Variants in TTN observed in about 807,000 individuals in gnomAD.
TTN encodes the protein titin, also known as connectin.
TTN carries 1,525 observed loss-of-function variants against 3,223.0 expected under a neutral mutation model. The ratio of observed to expected loss-of-function variants is 0.47; its 90% CI spans 0.45 to 0.49. TTN has a LOEUF of 0.49. Among genes scored for constraint, TTN ranks in the 20% least tolerant of loss-of-function variants. The probability of loss-of-function intolerance (pLI) is 0.00; values close to 1 mark genes in which losing one functional copy is unlikely to be tolerated. For synonymous variants in TTN, 14,094 were observed against 15,161.0 expected (o/e 0.93, Z 5.17); for missense variants, 40,786 against 43,424.0 (o/e 0.94, Z 5.40).
At chr2:178,619,440 TATTA>T (rs2057929824) in intron 250 of TTN, 177 bp downstream of exon 250, 3 of 670,058 alleles carry the variant, frequency 4.5e-6, no homozygotes, top group Non-Finnish European at 7.4e-6. Context: ...AGATTATTGC[TATTA>T]ATTTCCTCTT....
rs984843675 is a variant in TTN at position 178,669,237 on chromosome 2, T to C, written c.35545+136A>G. On this transcript the variant is annotated intron_variant, in intron 159 of 362. Coordinates refer to ENST00000589042, the MANE Select transcript of TTN (RefSeq NM_001267550.2). ...TGAGGATAATAGACACTAAGATTAT[T>C]TGAGTCATATATTTGTGGCATGTTA... The C allele has an allele frequency of 6.0e-6, 4 of 666,884 alleles. No homozygotes were observed. In the African/African-American group the frequency reaches 7.4e-5, roughly 12 times the overall value. 41.3% of individuals were successfully genotyped at this position (666,884 alleles called of 1,614,324 possible).
At position 178,532,984 on chromosome 2, in the gene TTN, T is replaced by G; in HGVS notation, c.103631A>C (p.Glu34544Ala). The G allele has an allele frequency of 6.2e-7, 1 of 1,613,930 alleles. No individual in the cohort carries two copies. Among genetic ancestry groups the G allele is most frequent in the African/African-American group, 1.3e-5 (1 of 75,036 alleles). Residue 34544 changes from glutamate to alanine, a missense_variant, in exon 358 of 363, where the codon GAG becomes GCG. Transcript: ENST00000589042. ...GGTAGTCTGCTTATACTTGCGTGGC[T>G]CTGGTACATCATAAGGCATCCGGAG... ...RKLRMPYDVP[E>A]PRKYKQTTIE...
At chr2:178,788,480 G>A (rs2093323653) in intron 13 of TTN, among the ~76,000 whole-genome samples, 1 of 151,928 alleles carries the variant, frequency 6.6e-6, no homozygotes, top group African/African-American at 2.4e-5. Context: ...TTAGATTTGA[G>A]TAAAGGTTTA....
At chr2:178,545,284 G>C in intron 344 of TTN, 104 bp downstream of exon 344, 1 of 1,116,518 alleles carries the variant, frequency 9.0e-7, no homozygotes, top group African/African-American at 1.6e-5. Flanking sequence ...TGCTTTTCTA[G>C]ACCATTCATA....
chr2:178,551,157 G>T lies in TTN; in HGVS notation c.91374C>A (p.Ser30458Arg), dbSNP rs762232248. 1.2e-6 allele frequency: 2 copies of T among 1,613,518 alleles called. No individual in the cohort carries two copies. Among genetic ancestry groups the T allele is most frequent in the South Asian group, 2.2e-5 (2 of 91,074 alleles). The change falls in exon 336 of 363, where the codon AGC becomes AGA. Residue 30458 changes from serine (S) to arginine (R), a missense_variant. Ser to Arg is a moderately radical substitution (Grantham distance 110, BLOSUM62 -1). Transcript: ENST00000589042. ...GTTCATTTCCTTGCCGTTTCTCAATGCTATAGCCCACAATCTTACTGCCTC... is the reference window on the plus strand; with the variant it reads ...GTTCATTTCCTTGCCGTTTCTCAATTCTATAGCCCACAATCTTACTGCCTC... The part of the protein sequence containing the change: ...RDGGSKIVGY[S>R]IEKRQGNERW...
At position 178,560,449 on chromosome 2, in the gene TTN, A is replaced by C; in HGVS notation, c.85683T>G (p.Ser28561=). ...PSPPTSLEIT[S]VTKESMTLCW... ...AAAGTGTCATAGATTCTTTGGTCAC[A>C]GAAGTAATTTCCAAAGACGTGGGTG... Residue 28561 remains serine, a synonymous_variant, in exon 326 of 363, where the codon TCT becomes TCG. Coordinates refer to ENST00000589042, the MANE Select transcript of TTN (RefSeq NM_001267550.2). 3.1e-6 allele frequency: 5 copies of C among 1,613,596 alleles called. No individual in the cohort carries two copies. Among genetic ancestry groups the C allele is most frequent in the Non-Finnish European group, 4.2e-6 (5 of 1,179,762 alleles).
At position 178,711,197 on chromosome 2, in the gene TTN, C is replaced by A. The variant is rs1382932532; in HGVS notation, c.28039G>T (p.Val9347Leu). Reference protein sequence around the residue: ...DGKPLKDSPNVQTSFLDNTAT... With the variant: ...DGKPLKDSPNLQTSFLDNTAT... ...GTATTGTCTAAAAATGATGTTTGTA[C>A]ATTTGGGCTGTCTTTCAATGGCTTG... Residue 9347 changes from valine to leucine, a missense_variant, in exon 97 of 363, where the codon GTA (valine) becomes TTA (leucine). Coordinates refer to ENST00000589042, the MANE Select transcript of TTN (RefSeq NM_001267550.2). 6.2e-7 allele frequency: 1 copy of A among 1,613,740 alleles called. No homozygotes were observed. The highest frequency in any genetic ancestry group is 8.5e-7 in the Non-Finnish European group (1 of 1,179,778).
rs1417836268 is a variant in TTN, at chr2:178,712,894, C to T, written c.27131G>A (p.Gly9044Glu). The T allele has an allele frequency of 6.2e-7, 1 of 1,613,408 alleles. No individual in the cohort carries two copies. The highest frequency in any genetic ancestry group is 8.5e-7 in the Non-Finnish European group (1 of 1,179,634). Residue 9044 changes from glycine to glutamate, a missense_variant, in exon 94 of 363, where the codon GGA (glycine) becomes GAA (glutamate). Physicochemically the swap from Gly to Glu is moderately conservative, Grantham distance 98. Transcript: ENST00000589042. ...TNVTFTSIVKGTPPFSVSWFK... is the reference protein window; with the variant it reads ...TNVTFTSIVKETPPFSVSWFK... ...CCAGCTAACACTGAAAGGAGGTGTT[C>T]CTTTTACGATACTTGTGAAAGTTAC...
At position 178,710,891 on chromosome 2, in the gene TTN, A is replaced by G; in HGVS notation, c.28206T>C (p.Arg9402=). The change falls in exon 98 of 363, where the codon CGT becomes CGC. Residue 9402 remains arginine (R), a synonymous_variant. Transcript: ENST00000589042. The part of the protein sequence containing the change: ...EGKNPPFFDI[R]LAPVDAVVGE... Reference sequence around the variant, plus strand: ...CCACCACAGCATCCACAGGGGCAAGACGGATGTCAAAGAAGGGTGGGTTCT... The same window carrying G: ...CCACCACAGCATCCACAGGGGCAAGGCGGATGTCAAAGAAGGGTGGGTTCT... 6.2e-7 allele frequency: 1 copy of G among 1,613,556 alleles called. No homozygotes were observed. Among genetic ancestry groups the G allele is most frequent in the Non-Finnish European group, 8.5e-7 (1 of 1,179,502 alleles).
chr2:178,722,471 G>A lies in TTN; in HGVS notation c.22316C>T (p.Thr7439Ile), dbSNP rs2078562379. The change falls in exon 77 of 363, where the codon ACT becomes ATT. Residue 7439 changes from threonine (T) to isoleucine (I), a missense_variant. By Grantham distance (89) the Thr-to-Ile change is moderately conservative (BLOSUM62 -1). Coordinates refer to ENST00000589042, the MANE Select transcript of TTN (RefSeq NM_001267550.2). The stretch of plus-strand genomic sequence containing the variant: ...GGGTGCAGAGCCATTTAATCGACAA[G>A]TGAGTGTAACAGGTAACCCCACAGT... ...EQTVGLPVTL[T>I]CRLNGSAPIQ... is the part of the protein sequence containing the mutation. 6.2e-7 allele frequency: 1 copy of A among 1,613,472 alleles called. No homozygotes were observed. Among genetic ancestry groups the A allele is most frequent in the East Asian group, 2.2e-5 (1 of 44,864 alleles).
chr2:178,698,933 A>G lies in TTN; in HGVS notation c.30683-19T>C, dbSNP rs768856856. ...TTGGTAACTAAAAAAAAAAAAAAAG[A>G]AAAAAAAAGAAAAAATATTTCTGGT... On this transcript the variant is annotated intron_variant, in intron 111 of 362. Coordinates refer to ENST00000589042, the MANE Select transcript of TTN (RefSeq NM_001267550.2). 24 of 1,470,126 alleles carry G rather than the reference A, an allele frequency of 1.6e-5. No individual in the cohort carries two copies. Among genetic ancestry groups the G allele is most frequent in the Admixed American group, 1.6e-4 (6 of 38,408 alleles). The allele number at this position is 1,470,126 out of a possible 1,614,324, so 91.1% of individuals were successfully genotyped here.
chr2:178,679,828 G>T, intron 140 of TTN, 66 bp downstream of exon 140: 2 of 1,591,652 alleles, frequency 1.3e-6, no homozygotes, highest in South Asian at 2.3e-5. Flanking sequence ...CCCAGAATCT[G>T]ACCAAATCAG....
intron 102 of TTN, among the ~76,000 whole-genome samples, chr2:178,705,737 T>C (rs2075763053): frequency 6.6e-6 from 1 of 152,090 alleles, no homozygotes; most frequent in South Asian, 2.1e-4. Context: ...GGAAACGATG[T>C]GTGGAAATTG....
rs1553689081 is a variant in TTN, at chr2:178,608,587, G to C, written c.52405+19C>G. ...GTACATGGTAAAAAGGCAAACTTTA[G>C]ATGCCAAAGGAAACTTACCAAATGG... On this transcript the variant is annotated intron_variant, in intron 274 of 362. Coordinates refer to ENST00000589042, the MANE Select transcript of TTN (RefSeq NM_001267550.2). 6.2e-7 allele frequency: 1 copy of C among 1,601,686 alleles called. No individual in the cohort carries two copies. Among genetic ancestry groups the C allele is most frequent in the Non-Finnish European group, 8.5e-7 (1 of 1,175,074 alleles).
At chr2:178,615,012 T>C (rs2057057293) in intron 259 of TTN, 44 bp from the exon 260 acceptor site, 1 of 1,522,330 alleles carries the variant, frequency 6.6e-7, no homozygotes, top group African/African-American at 1.4e-5. Flanking sequence ...ATGTCGATAA[T>C]CGTTTCATTG....
chr2:178,633,003 G>A lies in TTN; in HGVS notation c.43128C>T (p.Ile14376=). 1 of 1,613,136 alleles carries A rather than the reference G, an allele frequency of 6.2e-7. No homozygotes were observed. The highest frequency in any genetic ancestry group is 1.1e-5 in the South Asian group (1 of 91,038). The change falls in exon 234 of 363, where the codon ATC becomes ATT. Residue 14376 remains isoleucine (I), a synonymous_variant. Transcript: ENST00000589042. The part of the protein sequence containing the change: ...IIEDGKKHIL[I]LHNCQLGMTG... ...TCATACCCAGCTGACAGTTATGAAG[G>A]ATCAGAATATGCTTCTTTCCATCCT...
intron 41 of TTN, 33 bp from the exon 42 acceptor site, chr2:178,764,844 A>G: frequency 6.2e-7 from 1 of 1,611,112 alleles, no homozygotes; most frequent in South Asian, 1.1e-5. Context: ...AGCCCATGAA[A>G]AAGTGTAAAA....
chr2:178,730,576 C>G lies in TTN; in HGVS notation c.17957G>C (p.Ser5986Thr). Residue 5986 changes from serine (S) to threonine (T), a missense_variant, in exon 61 of 363, where the codon AGT becomes ACT. Physicochemically the swap from Ser to Thr is moderately conservative, Grantham distance 58 (BLOSUM62 1). Coordinates refer to ENST00000589042, the MANE Select transcript of TTN (RefSeq NM_001267550.2). ...TGTGGCAGAACAAGTGTATGTCCCA[C>G]TGTCTGTACCTTCCAGCTGGCTGAT... ...LEISQLEGTD[S>T]GTYTCSATNK... is the part of the protein sequence containing the mutation. 1 of 1,613,640 alleles carries G rather than the reference C, an allele frequency of 6.2e-7. No homozygotes were observed. Among genetic ancestry groups the G allele is most frequent in the South Asian group, 1.1e-5 (1 of 91,076 alleles).
Position 178,564,098 on chromosome 2 carries a change from C to T in TTN, c.82034G>A (p.Gly27345Glu), listed in dbSNP as rs745661221. 2 of 1,613,702 alleles carry T rather than the reference C, an allele frequency of 1.2e-6. No individual in the cohort carries two copies. Among genetic ancestry groups the T allele is most frequent in the Non-Finnish European group, 1.7e-6 (2 of 1,179,720 alleles). The change falls in exon 326 of 363, where the codon GGA (glycine) becomes GAA (glutamate). Residue 27345 changes from glycine (G) to glutamate (E), a missense_variant. Coordinates refer to ENST00000589042, the MANE Select transcript of TTN (RefSeq NM_001267550.2). ...ATTGCTGAGTTTCAGAATATATTGT[C>T]CTCCATCAGTCCGTATACAGTCTTT... ...VVKDCIRTDGGQYILKLSNVG... is the reference protein window; with the variant it reads ...VVKDCIRTDGEQYILKLSNVG...
Sources: allele counts gnomAD v4.1 joint callset (sites outside exome capture counted in the v4.1 genomes callset), GRCh38; gene constraint gnomAD v4.1.1; transcripts MANE v1.5; gene names NCBI Gene and HGNC (gene_info 2026-07-23, HGNC 2026-07-21).